Variants in SYT3 observed in about 807,000 individuals in gnomAD.
The protein encoded by SYT3 is synaptotagmin 3, also known as synaptotagmin-3.
A neutral mutation model predicts 50.6 loss-of-function variants in SYT3; 25 were observed. The observed-to-expected ratio is 0.49, with a 90% CI of 0.36 to 0.69. The LOEUF is 0.69. SYT3 is among the 30% of genes least tolerant of loss of function. The pLI, the probability that SYT3 is intolerant of heterozygous loss-of-function variation, is 0.00. For missense variants in SYT3, 589 were observed against 793.6 expected (o/e 0.74, Z 3.10); for synonymous variants, 323 against 353.9 (o/e 0.91, Z 0.98).
rs1359792489 is a variant in SYT3, at chr19:50,632,981, G to A, written c.149-170C>T. ...AATTTATGTTCTACAACTCTACAAG[G>A]TTAAGTATTGTATTTTTTTAAAGAG... On this transcript the variant is annotated intron_variant, in intron 3 of 10. Transcript: ENST00000600079. The surrounding 1 kb of genome is among the most constrained non-coding windows in gnomAD (Gnocchi z 4.7). 1.3e-5 allele frequency among the ~76,000 whole-genome samples: 2 copies of A among 152,028 alleles called. No individual in the cohort carries two copies. Among genetic ancestry groups the A allele is most frequent in the Non-Finnish European group, 2.9e-5 (2 of 68,030 alleles).
upstream of SYT3, among the ~76,000 whole-genome samples, chr19:50,641,423 C>A (rs1984679422): frequency 6.7e-6 from 1 of 149,202 alleles, no homozygotes; most frequent in African/African-American, 2.5e-5. Context: ...CCCGCCTCGG[C>A]CTCCCAAAGT....
rs529833697 is a variant in SYT3 at position 50,637,727 on chromosome 19, G to C, written c.-15-301C>G. The C allele has an allele frequency of 1.1e-5, 3 of 284,576 alleles. No individual in the cohort carries two copies. Among genetic ancestry groups the C allele is most frequent in the African/African-American group, 6.4e-5 (3 of 46,682 alleles). 17.6% of individuals were successfully genotyped at this position (284,576 alleles called of 1,614,324 possible). A position where few individuals can be genotyped will look rare whatever the true frequency, so the allele number is the denominator to read the frequency against. ...GGGGACAGAGATGGGCATGAGTGGA[G>C]TAGAGGACAGAGAACAGGGACAAAT... is the stretch of plus-strand genomic sequence containing the variant. On this transcript the variant is annotated intron_variant, in intron 2 of 10. Coordinates refer to ENST00000600079, the MANE Select transcript of SYT3 (RefSeq NM_001160329.2). This position sits in a 1 kb window ranked among gnomAD's most constrained non-coding sequence, Gnocchi z 4.9.
the SYT3 span, among the ~76,000 whole-genome samples, chr19:50,650,175 T>C: frequency 0.4 from 60,855 of 151,684 alleles, 12,959 homozygotes; most frequent in African/African-American, 0.55. Flanking sequence ...CCTAGCTTCC[T>C]GTCACCTCTA....
At chr19:50,649,363 G>T in the SYT3 span, 4 of 1,348,450 alleles carry the variant, frequency 3.0e-6, no homozygotes, top group South Asian at 5.0e-5. Flanking sequence ...AGGCAGCGGT[G>T]GGGAGAAGGA....
intron 6 of SYT3, among the ~76,000 whole-genome samples, chr19:50,627,907 G>C (rs901887704): frequency 6.6e-6 from 1 of 152,202 alleles, no homozygotes; most frequent in African/African-American, 2.4e-5. Flanking sequence ...CTGGGAGTAG[G>C]AGCTGGTGGA....
the SYT3 span, among the ~76,000 whole-genome samples, chr19:50,652,367 A>G: frequency 6.6e-6 from 1 of 152,198 alleles, no homozygotes; most frequent in Non-Finnish European, 1.5e-5. Context: ...TACGTTGCTC[A>G]GAAGACGTAG....
Position 50,625,017 on chromosome 19 carries a change from G to T in SYT3, c.1707+145C>A. 1 of 869,622 alleles carries T rather than the reference G, an allele frequency of 1.1e-6. No individual in the cohort carries two copies. The highest frequency in any genetic ancestry group is 1.6e-6 in the Non-Finnish European group (1 of 634,614). The allele number at this position is 869,622 out of a possible 1,614,324, so 53.9% of individuals were successfully genotyped here. A position where few individuals can be genotyped will look rare whatever the true frequency, so the allele number is the denominator to read the frequency against. On this transcript the variant is annotated intron_variant, in intron 9 of 10. Coordinates refer to ENST00000600079, the MANE Select transcript of SYT3 (RefSeq NM_001160329.2). The surrounding 1 kb of genome is among the most constrained non-coding windows in gnomAD (Gnocchi z 7.5). ...GCGCTTGGGTAACTGGCTCTAAGCC[G>T]CACAGCTAAAGTTGGCACAGCAGGG...
chr19:50,655,438 C>A, the SYT3 span, among the ~76,000 whole-genome samples: 1 of 152,120 alleles, frequency 6.6e-6, no homozygotes, highest in Non-Finnish European at 1.5e-5. Context: ...ATCACAAGGT[C>A]ATGAGATTGA....
At chr19:50,626,040 C>T (rs768203855) in intron 6 of SYT3, 23 bp from the exon 7 acceptor site, 11 of 1,609,832 alleles carry the variant, frequency 6.8e-6, no homozygotes, top group African/African-American at 4.0e-5. Flanking sequence ...AAAAGGTCAG[C>T]GATATCTTGC....
At chr19:50,653,570 G>A in the SYT3 span, among the ~76,000 whole-genome samples, 37 of 151,948 alleles carry the variant, frequency 2.4e-4, 1 homozygote, top group Admixed American at 1.7e-3. Flanking sequence ...AGTGTCTACC[G>A]CACGTGTGTG....
intron 6 of SYT3, among the ~76,000 whole-genome samples, chr19:50,628,138 C>T (rs1321359145): frequency 6.6e-6 from 1 of 152,216 alleles, no homozygotes; most frequent in Non-Finnish European, 1.5e-5. Flanking sequence ...CTAGTCCTCT[C>T]CTGATATGAA....
At chr19:50,656,889 T>C in the SYT3 span, among the ~76,000 whole-genome samples, 2 of 148,876 alleles carry the variant, frequency 1.3e-5, no homozygotes, top group South Asian at 2.1e-4. Context: ...GAGGTGGAGG[T>C]TGCAGTGAGC....
the SYT3 span, among the ~76,000 whole-genome samples, chr19:50,648,795 G>A: frequency 1.3e-5 from 2 of 152,122 alleles, no homozygotes; most frequent in African/African-American, 4.8e-5. Flanking sequence ...TTTCTAACCA[G>A]TTCCTGGCTG....
In SYT3 at chr19:50,632,811, T is replaced by C. The variant is rs1984367039; in HGVS notation, c.149A>G (p.Asp50Gly). 4 of 1,505,184 alleles carry C rather than the reference T, an allele frequency of 2.7e-6. No homozygotes were observed. The highest frequency in any genetic ancestry group is 2.8e-5 in the African/African-American group (2 of 72,216). The allele number at this position is 1,505,184 out of a possible 1,614,324, so 93.2% of individuals were successfully genotyped here. The change falls in exon 4 of 11, where the codon GAC (aspartate) becomes GGC (glycine). Residue 50 changes from aspartate (D) to glycine (G), a missense_variant and splice_region_variant. By Grantham distance (94) the Asp-to-Gly change is moderately conservative. Coordinates refer to ENST00000600079, the MANE Select transcript of SYT3 (RefSeq NM_001160329.2). This position sits in a 1 kb window ranked among gnomAD's most constrained non-coding sequence, Gnocchi z 4.7. ...GACCGACAGCAGGCTCACGGAGATG[T>C]CTGGAGAGAACGAGGACAGAGGTAG... Reference protein sequence around the residue: ...IRGYPRGPDADISVSLLSVIV... With the variant: ...IRGYPRGPDAGISVSLLSVIV...
the SYT3 span, among the ~76,000 whole-genome samples, chr19:50,654,595 C>CTCCA: frequency 6.6e-6 from 1 of 150,384 alleles, no homozygotes; most frequent in African/African-American, 2.5e-5. Flanking sequence ...CTGCACCAGG[C>CTCCA]TCCGTCCCTC....
the SYT3 span, among the ~76,000 whole-genome samples, chr19:50,646,015 A>G: frequency 6.6e-6 from 1 of 152,332 alleles, no homozygotes; most frequent in South Asian, 2.1e-4. Context: ...AGATGGAGAC[A>G]TAGAGTCCCA....
At chr19:50,642,574 C>G (rs762402102), upstream of SYT3, among the ~76,000 whole-genome samples, 7 of 152,262 alleles carry the variant, frequency 4.6e-5, no homozygotes, top group Non-Finnish European at 1.0e-4. Flanking sequence ...TGGCACATGC[C>G]TGTAATCCCA....
chr19:50,653,018 G>T, the SYT3 span, among the ~76,000 whole-genome samples: 6 of 152,272 alleles, frequency 3.9e-5, no homozygotes, highest in African/African-American at 1.2e-4. Flanking sequence ...AGGATGCAAT[G>T]GAAAGTATTT....
chr19:50,624,971 G>A (rs1983988780), intron 9 of SYT3, 191 bp downstream of exon 9: 2 of 459,836 alleles, frequency 4.3e-6, no homozygotes, highest in Non-Finnish European at 3.6e-6. Context: ...CCATTTCCTA[G>A]TGGGTAAATT....
Sources: gnomAD v4.1 joint callset for allele counts (sites outside exome capture counted in the v4.1 genomes callset) on GRCh38, gnomAD v4.1.1 for gene constraint, Gnocchi (gnomAD v3.1) non-coding constraint, MANE v1.5 for transcripts, NCBI Gene and HGNC (gene_info 2026-07-23, HGNC 2026-07-21) for gene names.